Variants in RHOA observed in about 807,000 individuals in gnomAD.
RHOA encodes the protein transforming protein RhoA.
A neutral mutation model predicts 17.5 loss-of-function variants in RHOA; 3 were observed. That is an observed-to-expected ratio of 0.17 (90% CI 0.08 to 0.44). The LOEUF (loss-of-function observed/expected upper bound fraction) is 0.44. RHOA is among the 20% of genes least tolerant of loss of function. The pLI is 0.99. For missense variants in RHOA, 56 were observed against 242.3 expected (o/e 0.23, Z 5.10); for synonymous variants, 98 against 88.4 (o/e 1.11, Z -0.61).
In RHOA at chr3:49,373,165, G is replaced by A. The variant is rs187474032; in HGVS notation, c.156+2269C>T. ...TCGAGACCAGCCTGGCCAACATGGC[G>A]AAACCTCGTCTCTACTAAAAATACA... On this transcript the variant is annotated intron_variant, in intron 2 of 4. Coordinates refer to ENST00000418115, the MANE Select transcript of RHOA (RefSeq NM_001664.4). The A allele has an allele frequency of 9.8e-5, 16 of 163,488 alleles. No individual in the cohort carries two copies. The East Asian group carries it at 2.5e-3, about 25-fold the overall frequency. 10.1% of individuals were successfully genotyped at this position (163,488 alleles called of 1,614,324 possible). A position where few individuals can be genotyped will look rare whatever the true frequency, so the allele number is the denominator to read the frequency against.
chr3:49,407,069 C>A (rs1211781493), intron 1 of RHOA, among the ~76,000 whole-genome samples: 1 of 151,916 alleles, frequency 6.6e-6, no homozygotes, highest in Non-Finnish European at 1.5e-5. Flanking sequence ...ATCGCTTGAA[C>A]CTGGGAAACA....
chr3:49,389,936 C>CAA (rs577683876), intron 1 of RHOA, among the ~76,000 whole-genome samples: 9 of 76,544 alleles, frequency 1.2e-4, no homozygotes, highest in Non-Finnish European at 2.0e-4. Context: ...GACTCCACCT[C>CAA]AAAAAAAAAA....
chr3:49,394,862 G>C (rs1199117210), intron 1 of RHOA, among the ~76,000 whole-genome samples: 1 of 152,124 alleles, frequency 6.6e-6, no homozygotes, highest in Non-Finnish European at 1.5e-5. Flanking sequence ...GAAGAAGGAG[G>C]ACAAGTCCCC....
intron 3 of RHOA, chr3:49,366,438 A>G (rs1482392247): frequency 6.6e-6 from 1 of 152,212 alleles, no homozygotes; most frequent in African/African-American, 2.4e-5. Context: ...CCCGGTCTCT[A>G]CTAAAAATAC....
chr3:49,384,025 G>C (rs2048358701), intron 1 of RHOA, among the ~76,000 whole-genome samples: 1 of 152,014 alleles, frequency 6.6e-6, no homozygotes, highest in African/African-American at 2.4e-5. Flanking sequence ...GTGAGACTGT[G>C]TCTCAGAAAA....
chr3:49,408,031 A>G (rs2048863856), intron 1 of RHOA, among the ~76,000 whole-genome samples: 1 of 152,026 alleles, frequency 6.6e-6, no homozygotes, highest in African/African-American at 2.4e-5. Flanking sequence ...ACAGTGGCGC[A>G]TGCTGGTACT....
intron 1 of RHOA, among the ~76,000 whole-genome samples, chr3:49,399,995 C>T (rs1436859733): frequency 2.0e-5 from 3 of 151,538 alleles, no homozygotes; most frequent in East Asian, 1.9e-4. Context: ...CCGAGGTGGG[C>T]GAATCAGGAG....
At chr3:49,401,996 G>A (rs1037209405) in intron 1 of RHOA, among the ~76,000 whole-genome samples, 1 of 152,138 alleles carries the variant, frequency 6.6e-6, no homozygotes, top group Non-Finnish European at 1.5e-5. Flanking sequence ...TGGAGATCAA[G>A]AGCAGCAGGA....
chr3:49,404,701 G>C (rs1427201028), intron 1 of RHOA, among the ~76,000 whole-genome samples: 2 of 149,324 alleles, frequency 1.3e-5, no homozygotes, highest in Non-Finnish European at 3.0e-5. Context: ...GGCCAAGGCA[G>C]GCAGATTGCC....
intron 1 of RHOA, among the ~76,000 whole-genome samples, chr3:49,402,175 A>C (rs1485754695): frequency 6.6e-6 from 1 of 152,190 alleles, no homozygotes; most frequent in Non-Finnish European, 1.5e-5. Flanking sequence ...CAAAATGTAA[A>C]TATTATAAGG....
intron 1 of RHOA, among the ~76,000 whole-genome samples, chr3:49,408,189 T>TAC (rs1559521896): frequency 2.0e-4 from 29 of 146,726 alleles, no homozygotes; most frequent in African/African-American, 6.5e-4. Flanking sequence ...TATATATATA[T>TAC]ACACACACAC....
At chr3:49,396,315 T>TG (rs1308817809) in intron 1 of RHOA, among the ~76,000 whole-genome samples, 2 of 152,174 alleles carry the variant, frequency 1.3e-5, no homozygotes, top group African/African-American at 4.8e-5. Flanking sequence ...GGCTCACGCC[T>TG]GTAATCCCAG....
At chr3:49,404,976 G>A (rs189692234) in intron 1 of RHOA, among the ~76,000 whole-genome samples, 1 of 150,124 alleles carries the variant, frequency 6.7e-6, no homozygotes, top group Non-Finnish European at 1.5e-5. Flanking sequence ...GGCCAGGCGC[G>A]GTGGCTCACA....
chr3:49,409,811 A>G (rs774879426), intron 1 of RHOA, among the ~76,000 whole-genome samples: 27 of 152,344 alleles, frequency 1.8e-4, no homozygotes, highest in Middle Eastern at 3.4e-3. Flanking sequence ...GCATGTGCAC[A>G]GGGAATTGTT....
intron 3 of RHOA, chr3:49,366,560 G>C (rs2048060290): frequency 6.6e-6 from 1 of 152,260 alleles, no homozygotes; most frequent in Admixed American, 6.5e-5. Context: ...CCAAGATTGT[G>C]CCACTCAACT....
chr3:49,402,578 G>A (rs1311407397), intron 1 of RHOA, among the ~76,000 whole-genome samples: 2 of 152,036 alleles, frequency 1.3e-5, no homozygotes, highest in Non-Finnish European at 2.9e-5. Flanking sequence ...TGAGGCTGAG[G>A]CAGGAGTATT....
At chr3:49,391,348 C>T (rs2048502632) in intron 1 of RHOA, among the ~76,000 whole-genome samples, 2 of 150,002 alleles carry the variant, frequency 1.3e-5, no homozygotes, top group South Asian at 4.2e-4. Context: ...GCCAAGATCA[C>T]ACCACTGCAC....
At chr3:49,363,336 T>C (rs1355737645) in intron 3 of RHOA, among the ~76,000 whole-genome samples, 1 of 151,144 alleles carries the variant, frequency 6.6e-6, no homozygotes, top group Non-Finnish European at 1.5e-5. Context: ...AGGAGAATGG[T>C]GTGAACCCGG....
rs61556875 is a variant in RHOA, at chr3:49,407,232, G to GTTT, written c.-3+4585_-3+4587dup. ...AAATTAATATTATGAAATCCTTTCC[G>GTTT]TTTTTTTTTTTTTTTTTTTTTTTTT... On this transcript the variant is annotated intron_variant, in intron 1 of 4. Coordinates refer to ENST00000418115, the MANE Select transcript of RHOA (RefSeq NM_001664.4). Among the ~76,000 whole-genome samples the GTTT allele has an allele frequency of 9.9e-3, 693 of 70,030 alleles. 6 individuals carry two copies. Among genetic ancestry groups the GTTT allele is most frequent in the Non-Finnish European group, 0.014 (549 of 39,386 alleles). 45.9% of individuals were successfully genotyped at this position (70,030 alleles called of 152,430 possible). A position where few individuals can be genotyped will look rare whatever the true frequency, so the allele number is the denominator to read the frequency against.
Sources: allele counts gnomAD v4.1 joint callset (sites outside exome capture counted in the v4.1 genomes callset), GRCh38; gene constraint gnomAD v4.1.1; transcripts MANE v1.5; gene names NCBI Gene and HGNC (gene_info 2026-07-23, HGNC 2026-07-21).